CDH13: variants seen among roughly 807,000 people sequenced by gnomAD.
CDH13 encodes cadherin-13.
CDH13 carries 24 observed loss-of-function variants against 63.8 expected under a neutral mutation model. The observed-to-expected ratio is 0.38, with a 90% CI of 0.27 to 0.53. The LOEUF is 0.53. Ranked by LOEUF, CDH13 falls within the 20% of genes least tolerant of loss-of-function variation. The probability of loss-of-function intolerance (pLI) is 0.85; values close to 1 mark genes in which losing one functional copy is unlikely to be tolerated. For synonymous variants in CDH13, 503 were observed against 355.3 expected, an observed-to-expected ratio of 1.42 and a Z score of -4.67; for missense variants, 1,049 against 903.1, an observed-to-expected ratio of 1.16 and a Z score of -2.07.
intron 1 of CDH13, among the ~76,000 whole-genome samples, chr16:82,735,382 C>T (rs189775999): frequency 1.3e-5 from 2 of 152,268 alleles, no homozygotes; most frequent in South Asian, 2.1e-4. Context: ...TGGGTCTGTC[C>T]CTGCAGTGAC....
At chr16:83,161,600 A>G (rs530588753) in intron 4 of CDH13, among the ~76,000 whole-genome samples, 2 of 152,202 alleles carry the variant, frequency 1.3e-5, no homozygotes, top group African/African-American at 4.8e-5. Context: ...ATCCACAACC[A>G]CCAGCATTTG....
chr16:83,140,366 C>G (rs994616859), intron 4 of CDH13, among the ~76,000 whole-genome samples: 19 of 152,340 alleles, frequency 1.2e-4, no homozygotes, highest in African/African-American at 4.6e-4. Context: ...TTGCTATGGC[C>G]AACACTGAGT....
At chr16:83,417,568 A>C (rs946505478) in intron 6 of CDH13, among the ~76,000 whole-genome samples, 2 of 152,230 alleles carry the variant, frequency 1.3e-5, no homozygotes, top group East Asian at 3.8e-4. Context: ...TAGAATTTTC[A>C]GCTTGATAAC....
At chr16:83,109,052 C>G (rs543791997) in intron 3 of CDH13, among the ~76,000 whole-genome samples, 1 of 152,288 alleles carries the variant, frequency 6.6e-6, no homozygotes, top group African/African-American at 2.4e-5. Context: ...ATCTTAGGGT[C>G]TGCTCCTGGG....
chr16:82,897,400 G>A (rs1407838592), intron 2 of CDH13, among the ~76,000 whole-genome samples: 2 of 152,184 alleles, frequency 1.3e-5, no homozygotes, highest in African/African-American at 4.8e-5. Flanking sequence ...ATGAATGAAT[G>A]AAAGAATTAC....
At chr16:82,797,807 G>GTGTGTGTGTGTA (rs147687670) in intron 1 of CDH13, among the ~76,000 whole-genome samples, 1 of 150,186 alleles carries the variant, frequency 6.7e-6, no homozygotes, top group Non-Finnish European at 1.5e-5. Flanking sequence ...GTGTGTGTGT[G>GTGTGTGTGTGTA]TATACATGTG....
chr16:82,894,559 T>C (rs1365777135), intron 2 of CDH13, among the ~76,000 whole-genome samples: 1 of 152,098 alleles, frequency 6.6e-6, no homozygotes, highest in African/African-American at 2.4e-5. Context: ...AGAGAATCGC[T>C]TGAACCCAGG....
intron 1 of CDH13, among the ~76,000 whole-genome samples, chr16:82,790,530 A>G (rs923663767): frequency 1.3e-5 from 2 of 152,210 alleles, no homozygotes; most frequent in African/African-American, 4.8e-5. Context: ...ACATACAAAA[A>G]AATTATTTGG....
chr16:83,011,060 G>T (rs12925746), intron 2 of CDH13, among the ~76,000 whole-genome samples: 1 of 152,064 alleles, frequency 6.6e-6, no homozygotes, highest in African/African-American at 2.4e-5. Context: ...AGATGGTGTG[G>T]AACGTTTCTT....
At chr16:83,370,523 T>C (rs1416767386) in intron 6 of CDH13, among the ~76,000 whole-genome samples, 1 of 152,128 alleles carries the variant, frequency 6.6e-6, no homozygotes, top group Admixed American at 6.5e-5. Flanking sequence ...TACAGGGAAA[T>C]TGTGTGTCAC....
chr16:82,731,708 C>G (rs141943672), intron 1 of CDH13, among the ~76,000 whole-genome samples: 1 of 152,298 alleles, frequency 6.6e-6, no homozygotes, highest in Non-Finnish European at 1.5e-5. Flanking sequence ...AAAAAATCAA[C>G]AAAAGCATTC....
chr16:83,658,785 T>C (rs879893975), intron 8 of CDH13, among the ~76,000 whole-genome samples: 247 of 75,998 alleles, frequency 3.3e-3, no homozygotes, highest in Middle Eastern at 0.014. Context: ...CAGCAAGGTC[T>C]CATGTCCTCA....
rs146545614 is a variant in CDH13, at chr16:83,163,437, G to A, written c.483+37936G>A. Among the ~76,000 whole-genome samples the A allele has an allele frequency of 5.9e-5, 9 of 152,106 alleles. No homozygotes were observed. The South Asian group carries it at 8.3e-4, about 14-fold the overall frequency. ...ATAACAATGGCTATAATTGTGAACC[G>A]CCCGCTAACCTCCTCTTGTAGTGCT... On this transcript the variant is annotated intron_variant, in intron 4 of 13. Transcript: ENST00000567109.
At chr16:82,886,801 A>T (rs1168415519) in intron 2 of CDH13, among the ~76,000 whole-genome samples, 1 of 152,162 alleles carries the variant, frequency 6.6e-6, no homozygotes, top group African/African-American at 2.4e-5. Context: ...GTCCATTCCC[A>T]AGTGACTCGG....
chr16:83,586,839 C>G (rs1031784386), intron 7 of CDH13, among the ~76,000 whole-genome samples: 1 of 152,168 alleles, frequency 6.6e-6, no homozygotes, highest in African/African-American at 2.4e-5. Flanking sequence ...CACGAATTAG[C>G]TTTTGGACAA....
intron 2 of CDH13, among the ~76,000 whole-genome samples, chr16:82,978,688 T>G (rs1041164438): frequency 1.3e-5 from 2 of 152,368 alleles, no homozygotes; most frequent in Middle Eastern, 3.4e-3. Flanking sequence ...TCAGAGGATG[T>G]GTGGAAACAC....
chr16:82,821,873 A>G (rs569087845), intron 1 of CDH13, among the ~76,000 whole-genome samples: 3 of 152,314 alleles, frequency 2.0e-5, no homozygotes, highest in South Asian at 2.1e-4. Context: ...GAAGGAATGT[A>G]TGGTCCCCTT....
chr16:83,188,499 C>CTGCCCAT (rs1468747951), intron 4 of CDH13, among the ~76,000 whole-genome samples: 2 of 152,146 alleles, frequency 1.3e-5, no homozygotes, highest in South Asian at 4.2e-4. Flanking sequence ...GCCAGCCTCG[C>CTGCCCAT]TGCCCATCTC....
intron 1 of CDH13, among the ~76,000 whole-genome samples, chr16:82,738,295 G>T (rs1349436486): frequency 6.6e-6 from 1 of 152,220 alleles, no homozygotes; most frequent in Non-Finnish European, 1.5e-5. Flanking sequence ...TAAAACAGAA[G>T]TTGGCTTCTT....
Sources: allele counts gnomAD v4.1 joint callset (sites outside exome capture counted in the v4.1 genomes callset), GRCh38; gene constraint gnomAD v4.1.1; transcripts MANE v1.5; gene names NCBI Gene and HGNC (gene_info 2026-07-23, HGNC 2026-07-21).